The following PRMT3 variants were observed in gnomAD, a reference collection of about 807,000 sequenced individuals.
PRMT3 encodes protein arginine methyltransferase 3.
In PRMT3, 62 loss-of-function variants were observed where a neutral mutation model predicts 71.9. That is an observed-to-expected ratio of 0.86 (90% confidence interval 0.70 to 1.07). The LOEUF is 1.07. Ranked by LOEUF, PRMT3 falls within the 50% of genes least tolerant of loss-of-function variation. The pLI is 0.00. For missense variants in PRMT3, 663 were observed against 643.0 expected, an observed-to-expected ratio of 1.03 and a Z score of -0.34; for synonymous variants, 213 against 220.4, an observed-to-expected ratio of 0.97 and a Z score of 0.30.
At chr11:20,395,016 A>C (rs1848794374) in intron 5 of PRMT3, among the ~76,000 whole-genome samples, 1 of 152,170 alleles carries the variant, frequency 6.6e-6, no homozygotes, top group Non-Finnish European at 1.5e-5. Context: ...TTTAAATCTT[A>C]GTTCCTCCAT....
At chr11:20,477,813 C>G (rs969577820) in intron 13 of PRMT3, among the ~76,000 whole-genome samples, 3 of 142,082 alleles carry the variant, frequency 2.1e-5, no homozygotes, top group Admixed American at 6.9e-5. Flanking sequence ...CCCCCCCCCC[C>G]CACTTCCTGT....
intron 10 of PRMT3, among the ~76,000 whole-genome samples, chr11:20,440,658 G>T (rs1849872963): frequency 6.6e-6 from 1 of 151,246 alleles, no homozygotes; most frequent in South Asian, 2.1e-4. Flanking sequence ...TTATCAAAAT[G>T]GTTAGTATTC....
At chr11:20,422,702 G>C (rs967551139) in intron 9 of PRMT3, among the ~76,000 whole-genome samples, 4 of 151,922 alleles carry the variant, frequency 2.6e-5, no homozygotes, top group Non-Finnish European at 4.4e-5. Context: ...AATTATTTAG[G>C]CTTTGTGATT....
At chr11:20,388,790 A>C (rs1848651633) in intron 2 of PRMT3, among the ~76,000 whole-genome samples, 1 of 152,224 alleles carries the variant, frequency 6.6e-6, no homozygotes, top group African/African-American at 2.4e-5. Context: ...CTTATTTCCA[A>C]ACTCACATTC....
Position 20,420,700 on chromosome 11 carries a change from G to C in PRMT3, c.894-6066G>C, listed in dbSNP as rs546813045. On this transcript the variant is annotated intron_variant, in intron 9 of 15. Transcript: ENST00000331079. Reference sequence around the variant, plus strand: ...TTGTCTTCCACGAAACTGGCCCCTGGTGCCAAAAAGGTTGGGGACTGCTGA... The same window carrying C: ...TTGTCTTCCACGAAACTGGCCCCTGCTGCCAAAAAGGTTGGGGACTGCTGA... Among the ~76,000 whole-genome samples the C allele has an allele frequency of 2.6e-5, 4 of 152,250 alleles. No homozygotes were observed. The South Asian group carries it at 8.3e-4, about 32-fold the overall frequency.
chr11:20,501,540 A>G (rs755465733), intron 15 of PRMT3, among the ~76,000 whole-genome samples: 2 of 152,282 alleles, frequency 1.3e-5, no homozygotes, highest in Non-Finnish European at 1.5e-5. Context: ...GTTATATTGA[A>G]ACTAAAAGTA....
chr11:20,426,847 TATC>T lies in PRMT3; in HGVS notation c.978_980del (p.Ile327del). ...ATCTTCCTGTAGAAAAAGTAGATGTTATCATATCTGAGTGGATGGTGAGTGTTT... is the reference window on the plus strand; with the variant it reads ...ATCTTCCTGTAGAAAAAGTAGATGTTATATCTGAGTGGATGGTGAGTGTTT... On this transcript the variant is annotated inframe_deletion, in exon 10 of 16. Transcript: ENST00000331079. 6.5e-7 allele frequency: 1 copy of T among 1,530,658 alleles called. No homozygotes were observed. The highest frequency in any genetic ancestry group is 8.7e-7 in the Non-Finnish European group (1 of 1,151,004). 94.8% of individuals were successfully genotyped at this position (1,530,658 alleles called of 1,614,324 possible).
chr11:20,428,970 A>T (rs7396986), intron 10 of PRMT3, among the ~76,000 whole-genome samples: 66,202 of 152,002 alleles, frequency 0.44, 16,477 homozygotes, highest in Non-Finnish European at 0.58. Flanking sequence ...AATGCTAGTT[A>T]CTTGTGGGCA....
chr11:20,449,970 T>G (rs1261568562), intron 10 of PRMT3, among the ~76,000 whole-genome samples: 4 of 152,026 alleles, frequency 2.6e-5, no homozygotes, highest in African/African-American at 9.7e-5. Flanking sequence ...CATTCATAAG[T>G]GCTATGATGA....
chr11:20,400,783 T>G (rs1490536273), intron 7 of PRMT3, among the ~76,000 whole-genome samples: 1 of 152,154 alleles, frequency 6.6e-6, no homozygotes, highest in Non-Finnish European at 1.5e-5. Flanking sequence ...AAATATTATC[T>G]TGCTCCTAAG....
chr11:20,496,470 A>G (rs1851334910), intron 15 of PRMT3, among the ~76,000 whole-genome samples: 1 of 152,060 alleles, frequency 6.6e-6, no homozygotes, highest in African/African-American at 2.4e-5. Flanking sequence ...AAATTGCAGA[A>G]TGAGTCTGAC....
chr11:20,467,547 C>T (rs1158309368), intron 13 of PRMT3, among the ~76,000 whole-genome samples: 1 of 152,064 alleles, frequency 6.6e-6, no homozygotes, highest in Non-Finnish European at 1.5e-5. Flanking sequence ...ACAGATTTAA[C>T]AATGTTTATT....
intron 7 of PRMT3, 21 bp downstream of exon 7, chr11:20,397,742 C>T (rs576827668): frequency 4.3e-6 from 7 of 1,610,598 alleles, no homozygotes; most frequent in East Asian, 2.2e-5. Context: ...AACACAAATG[C>T]GTCAAATCCA....
chr11:20,477,948 G>A (rs1850836327), intron 13 of PRMT3, among the ~76,000 whole-genome samples: 1 of 152,128 alleles, frequency 6.6e-6, no homozygotes, highest in South Asian at 2.1e-4. Context: ...TAGTGTACCA[G>A]TGCACTGGGC....
chr11:20,412,448 T>C (rs914923092), intron 9 of PRMT3, among the ~76,000 whole-genome samples: 1 of 152,112 alleles, frequency 6.6e-6, no homozygotes, highest in Non-Finnish European at 1.5e-5. Context: ...TAAAAGGATT[T>C]TTGAAATTTT....
At chr11:20,417,532 ATAGACCG>A (rs1230781596) in intron 9 of PRMT3, among the ~76,000 whole-genome samples, 8 of 152,212 alleles carry the variant, frequency 5.3e-5, no homozygotes, top group Non-Finnish European at 7.3e-5. Flanking sequence ...TTCTTAGAAC[ATAGACCG>A]TATCTTTTAC....
chr11:20,477,929 G>A (rs1283787613), intron 13 of PRMT3, among the ~76,000 whole-genome samples: 1 of 151,998 alleles, frequency 6.6e-6, no homozygotes, highest in Non-Finnish European at 1.5e-5. Flanking sequence ...AAATTCCAGG[G>A]AACTATACTA....
chr11:20,483,306 AATATTAAAAT>A (rs1253705281), intron 13 of PRMT3, among the ~76,000 whole-genome samples: 4 of 152,286 alleles, frequency 2.6e-5, no homozygotes, highest in African/African-American at 9.6e-5. Context: ...GTGTATTCTT[AATATTAAAAT>A]ATAATGTTTA....
At chr11:20,402,165 G>T (rs1848962268) in intron 7 of PRMT3, among the ~76,000 whole-genome samples, 1 of 151,826 alleles carries the variant, frequency 6.6e-6, no homozygotes, top group South Asian at 2.1e-4. Flanking sequence ...TGTGGCCCAG[G>T]CTGGAGTGCA....
Sources: allele counts gnomAD v4.1 joint callset (sites outside exome capture counted in the v4.1 genomes callset), GRCh38; gene constraint gnomAD v4.1.1; transcripts MANE v1.5; gene names NCBI Gene and HGNC (gene_info 2026-07-23, HGNC 2026-07-21).